The following SEMA5B variants were observed in gnomAD, a reference collection of about 807,000 sequenced individuals.
The protein encoded by SEMA5B is semaphorin 5B.
A neutral mutation model predicts 135.0 loss-of-function variants in SEMA5B; 66 were observed. The observed-to-expected ratio is 0.49, with a 90% CI of 0.40 to 0.60. SEMA5B has a LOEUF of 0.60. SEMA5B is among the 20% of genes least tolerant of loss of function. The probability of loss-of-function intolerance (pLI) is 0.00; values close to 1 mark genes in which losing one functional copy is unlikely to be tolerated. For synonymous variants in SEMA5B, 690 were observed against 639.5 expected (o/e 1.08, Z -1.19); for missense variants, 1,501 against 1,566.3 (o/e 0.96, Z 0.70).
At position 122,915,571 on chromosome 3, in the gene SEMA5B, T is replaced by G. The variant is rs1938026259; in HGVS notation, c.1857A>C (p.Gln619His). 1.2e-6 allele frequency: 2 copies of G among 1,613,902 alleles called. No individual in the cohort carries two copies. Among genetic ancestry groups the G allele is most frequent in the Non-Finnish European group, 1.7e-6 (2 of 1,179,936 alleles). Residue 619 changes from glutamine to histidine, a missense_variant, in exon 14 of 23, where the codon CAA becomes CAC. Around this residue, in one of 2 missense-constraint regions of SEMA5B, gnomAD observed 927 missense variants for 881.6 expected, o/e 1.05. Transcript: ENST00000357599. ...TGTCCCCATCCAAGTGCTCACATGG[T>G]TGCCATGGTGACCATGGGCCGAAGC... ...DGGFGPWSPW[Q>H]PCEHLDGDNS...
At chr3:123,024,807 G>A (rs1942762776) in intron 1 of SEMA5B, among the ~76,000 whole-genome samples, 1 of 152,194 alleles carries the variant, frequency 6.6e-6, no homozygotes, top group Admixed American at 6.5e-5. Context: ...GATATAAGGG[G>A]TCAGGCTACT....
At chr3:122,967,777 T>C (rs543875846) in intron 1 of SEMA5B, among the ~76,000 whole-genome samples, 1 of 152,264 alleles carries the variant, frequency 6.6e-6, no homozygotes, top group Non-Finnish European at 1.5e-5. Context: ...CAGGCTTTGC[T>C]TCTTCCAGGG....
chr3:122,950,674 A>C (rs1940006552), intron 2 of SEMA5B, among the ~76,000 whole-genome samples: 1 of 152,250 alleles, frequency 6.6e-6, no homozygotes, highest in Non-Finnish European at 1.5e-5. Context: ...GTAAGTATCC[A>C]TCTGTGACAG....
intron 14 of SEMA5B, among the ~76,000 whole-genome samples, chr3:122,914,661 T>G (rs902203753): frequency 3.9e-5 from 6 of 152,268 alleles, no homozygotes; most frequent in Non-Finnish European, 7.4e-5. Context: ...AGGCTGGGTG[T>G]GGTGGCTTAT....
chr3:122,988,128 G>T (rs1051353874), intron 1 of SEMA5B, among the ~76,000 whole-genome samples: 10 of 152,128 alleles, frequency 6.6e-5, no homozygotes, highest in African/African-American at 1.9e-4. Flanking sequence ...TCTGGGGTGA[G>T]ACTCGAGAAT....
chr3:122,914,112 A>G, intron 14 of SEMA5B, 111 bp from the exon 15 acceptor site: 1 of 1,203,014 alleles, frequency 8.3e-7, no homozygotes, highest in Non-Finnish European at 1.1e-6. Flanking sequence ...AGGGCTGGAC[A>G]GTGACATAGA....
intron 1 of SEMA5B, among the ~76,000 whole-genome samples, chr3:122,966,566 A>ATTATTT (rs1291373854): frequency 8.6e-6 from 1 of 115,884 alleles, no homozygotes; most frequent in South Asian, 2.6e-4. Flanking sequence ...TATTATTATT[A>ATTATTT]TTTTTTGAGA....
Position 122,939,467 on chromosome 3 carries a change from G to T in SEMA5B, c.432C>A (p.Asn144Lys). The T allele has an allele frequency of 6.2e-7, 1 of 1,612,414 alleles. No individual in the cohort carries two copies. The highest frequency in any genetic ancestry group is 8.5e-7 in the Non-Finnish European group (1 of 1,178,396). ...TGGCAAGGCTGAGTCTGAAGAGGTA[G>T]TTCCTGTGAAAATGGAAACAGACAT... ...SGNQLIVGAR[N>K]YLFRLSLANV... Residue 144 changes from asparagine to lysine, a missense_variant, in exon 5 of 23, where the codon AAC becomes AAA. Physicochemically the swap from Asn to Lys is moderately conservative, Grantham distance 94. This residue lies in a region of SEMA5B where 574 missense variants were observed against 684.7 expected (regional missense o/e 0.84). Transcript: ENST00000357599.
intron 1 of SEMA5B, among the ~76,000 whole-genome samples, chr3:122,970,698 G>A (rs1302298425): frequency 6.6e-6 from 1 of 152,204 alleles, no homozygotes; most frequent in African/African-American, 2.4e-5. Flanking sequence ...CTTCCTGCAA[G>A]GTAGGTATTA....
intron 5 of SEMA5B, among the ~76,000 whole-genome samples, chr3:122,938,689 T>A (rs1288010099): frequency 6.6e-6 from 1 of 152,226 alleles, no homozygotes; most frequent in Non-Finnish European, 1.5e-5. Flanking sequence ...GAATGCTTAA[T>A]CATTGGGAGA....
chr3:122,997,028 G>T (rs956479065), intron 1 of SEMA5B, among the ~76,000 whole-genome samples: 12 of 152,088 alleles, frequency 7.9e-5, no homozygotes, highest in Admixed American at 1.3e-4. Context: ...GCCCCGAAAA[G>T]GCTCTCTCCT....
chr3:123,019,109 G>A (rs1942622082), intron 1 of SEMA5B, among the ~76,000 whole-genome samples: 1 of 152,064 alleles, frequency 6.6e-6, no homozygotes, highest in South Asian at 2.1e-4. Context: ...GGATGCTGAG[G>A]GAATATTTGT....
intron 2 of SEMA5B, among the ~76,000 whole-genome samples, chr3:122,957,670 C>G (rs913918857): frequency 1.1e-4 from 17 of 152,226 alleles, no homozygotes; most frequent in African/African-American, 4.1e-4. Flanking sequence ...CAAGATCTCA[C>G]AGCAGCTTTG....
At chr3:122,996,012 A>C (rs1262533832) in intron 1 of SEMA5B, among the ~76,000 whole-genome samples, 1 of 152,206 alleles carries the variant, frequency 6.6e-6, no homozygotes, top group Admixed American at 6.5e-5. Flanking sequence ...TGCTCCGAAC[A>C]CCTCAGAACA....
Position 122,909,778 on chromosome 3 carries a change from G to T in SEMA5B, c.*365C>A. On this transcript the variant is annotated 3_prime_UTR_variant, in exon 23 of 23. Coordinates refer to ENST00000357599, the MANE Select transcript of SEMA5B (RefSeq NM_001031702.4). The stretch of plus-strand genomic sequence containing the variant: ...ACTCAGCTTGTGGGGGCCACAGGAA[G>T]TTGTCTCCAACCCAAACTTAAAAGC... 1 of 181,208 alleles carries T rather than the reference G, an allele frequency of 5.5e-6. No homozygotes were observed. The highest frequency in any genetic ancestry group is 1.1e-5 in the Non-Finnish European group (1 of 87,608). 11.2% of individuals were successfully genotyped at this position (181,208 alleles called of 1,614,324 possible). A position where few individuals can be genotyped will look rare whatever the true frequency, so the allele number is the denominator to read the frequency against.
At chr3:122,935,845 C>T (rs981281270) in intron 5 of SEMA5B, among the ~76,000 whole-genome samples, 3 of 151,922 alleles carry the variant, frequency 2.0e-5, no homozygotes, top group African/African-American at 7.3e-5. Context: ...AGGTACCCAC[C>T]ACCATGCCCA....
intron 2 of SEMA5B, 31 bp from the exon 3 acceptor site, chr3:122,948,740 G>A (rs560821535): frequency 3.2e-5 from 50 of 1,543,498 alleles, no homozygotes; most frequent in Admixed American, 2.1e-4. Flanking sequence ...CTCACCAAGC[G>A]CTCCCTCCAA....
intron 1 of SEMA5B, among the ~76,000 whole-genome samples, chr3:122,982,095 C>T (rs1941538195): frequency 6.6e-6 from 1 of 152,194 alleles, no homozygotes; most frequent in Non-Finnish European, 1.5e-5. Context: ...GACCCACACT[C>T]CTTTTAGCCA....
chr3:122,963,478 G>A (rs1940678555), intron 1 of SEMA5B, among the ~76,000 whole-genome samples: 1 of 146,974 alleles, frequency 6.8e-6, no homozygotes, highest in Non-Finnish European at 1.5e-5. Context: ...GGAAAACAGA[G>A]CGAGTCTCTG....
Sources: allele counts gnomAD v4.1 joint callset (sites outside exome capture counted in the v4.1 genomes callset), GRCh38; gene constraint gnomAD v4.1.1; regional missense constraint gnomAD v4.1.1; transcripts MANE v1.5; gene names NCBI Gene and HGNC (gene_info 2026-07-23, HGNC 2026-07-21).